The following ARHGEF7 variants were observed in gnomAD, a reference collection of about 807,000 sequenced individuals.
ARHGEF7 encodes Rho guanine nucleotide exchange factor 7.
Under a neutral mutation model 109.8 loss-of-function variants are expected in ARHGEF7, and 33 were observed. That is an observed-to-expected ratio of 0.30 (90% CI 0.23 to 0.40). The LOEUF (loss-of-function observed/expected upper bound fraction) is 0.40, where lower values mean the gene tolerates loss of function less well. Among genes scored for constraint, ARHGEF7 ranks in the 10% least tolerant of loss-of-function variants. The pLI is 1.00. For synonymous variants in ARHGEF7, 458 were observed against 424.6 expected (o/e 1.08, Z -0.97); for missense variants, 938 against 1,098.5 (o/e 0.85, Z 2.07).
Position 111,117,266 on chromosome 13 carries a change from A to C in ARHGEF7, c.165+1575A>C, listed in dbSNP as rs561305241. 2.5e-3 allele frequency among the ~76,000 whole-genome samples: 380 copies of C among 152,374 alleles called. 2 individuals are homozygous for C. Among genetic ancestry groups the C allele is most frequent in the Non-Finnish European group, 3.0e-3 (205 of 68,042 alleles). On this transcript the variant is annotated intron_variant, in intron 1 of 21. Coordinates refer to ENST00000646102, the MANE Select transcript of ARHGEF7 (RefSeq NM_001354046.2). ...TAATATTGATTGGCCGACTTCAATA[A>C]TCATTTTCTTTTAAATTATAGAAAG...
intron 1 of ARHGEF7, 179 bp from the exon 2 acceptor site, chr13:111,153,726 G>C (rs1253626348): frequency 2.2e-6 from 3 of 1,333,854 alleles, no homozygotes; most frequent in Admixed American, 4.2e-5. Context: ...AAAAGGGTGA[G>C]GAGAAGCAGC....
intron 2 of ARHGEF7, among the ~76,000 whole-genome samples, chr13:111,161,051 A>G (rs1191532075): frequency 6.6e-6 from 1 of 152,238 alleles, no homozygotes; most frequent in Non-Finnish European, 1.5e-5. Context: ...GGAAATGCTC[A>G]TTGGAGTGTT....
At chr13:111,133,761 C>CTT (rs1286958339) in intron 1 of ARHGEF7, among the ~76,000 whole-genome samples, 2 of 73,354 alleles carry the variant, frequency 2.7e-5, no homozygotes, top group African/African-American at 1.1e-4. Flanking sequence ...ATCTGCTTTT[C>CTT]TTTATATATA....
intron 1 of ARHGEF7, among the ~76,000 whole-genome samples, chr13:111,133,086 G>C (rs1594891524): frequency 6.6e-6 from 1 of 151,452 alleles, no homozygotes; most frequent in African/African-American, 2.4e-5. Flanking sequence ...ATATACACAT[G>C]CATATATACA....
chr13:111,220,200 A>G (rs2153494758), intron 5 of ARHGEF7, among the ~76,000 whole-genome samples: 1 of 152,348 alleles, frequency 6.6e-6, no homozygotes, highest in South Asian at 2.1e-4. Context: ...GCGCCAGTGG[A>G]CTTTCCAGGA....
rs1283218386 is a variant in ARHGEF7 at position 111,255,238 on chromosome 13, G to T, written c.950+10944G>T. ...GGCTAAGGCGCTGAGTTCCGTTTGG[G>T]GTTGCTGTGCATTTCAGTTGGAGAT... is the stretch of plus-strand genomic sequence containing the variant. On this transcript the variant is annotated intron_variant, in intron 8 of 21. Transcript: ENST00000646102. This position sits in a 1 kb window ranked among gnomAD's most constrained non-coding sequence, Gnocchi z 4.1. Among the ~76,000 whole-genome samples the T allele has an allele frequency of 6.6e-6, 1 of 152,254 alleles. No homozygotes were observed. The highest frequency in any genetic ancestry group is 2.4e-5 in the African/African-American group (1 of 41,466).
At chr13:111,177,896 T>C (rs1385759924) in intron 2 of ARHGEF7, among the ~76,000 whole-genome samples, 1 of 152,206 alleles carries the variant, frequency 6.6e-6, no homozygotes, top group Non-Finnish European at 1.5e-5. Flanking sequence ...AAGCAGACAG[T>C]CATGACCAGT....
At chr13:111,254,378 G>A (rs1460623251) in intron 8 of ARHGEF7, among the ~76,000 whole-genome samples, 1 of 151,816 alleles carries the variant, frequency 6.6e-6, no homozygotes, top group Non-Finnish European at 1.5e-5. Flanking sequence ...CATGAAGGCC[G>A]GGCTCAGAAG....
rs1427471274 is a variant in ARHGEF7, at chr13:111,292,100, T to G, written c.2135-18T>G. ...ACCCCCTGCCTGTCGCGCCTGTCCC[T>G]CCGCCCGCCCGTCTTAGCATGGCAA... On this transcript the variant is annotated intron_variant, in intron 18 of 21. Coordinates refer to ENST00000646102, the MANE Select transcript of ARHGEF7 (RefSeq NM_001354046.2). 6.2e-7 allele frequency: 1 copy of G among 1,608,924 alleles called. No individual in the cohort carries two copies. The highest frequency in any genetic ancestry group is 8.5e-7 in the Non-Finnish European group (1 of 1,177,376).
intron 2 of ARHGEF7, among the ~76,000 whole-genome samples, chr13:111,195,707 G>A (rs774371742): frequency 2.6e-5 from 4 of 152,266 alleles, no homozygotes; most frequent in Middle Eastern, 3.4e-3. Flanking sequence ...TGATTGCCTC[G>A]GCATAGCGGA....
chr13:111,194,305 C>T (rs2080247549), intron 2 of ARHGEF7, among the ~76,000 whole-genome samples: 1 of 152,148 alleles, frequency 6.6e-6, no homozygotes, highest in Non-Finnish European at 1.5e-5. Context: ...GTTTTGAAGG[C>T]TGTTTCTGTC....
intron 1 of ARHGEF7, among the ~76,000 whole-genome samples, chr13:111,117,703 C>T (rs1222382255): frequency 1.3e-5 from 2 of 151,852 alleles, no homozygotes; most frequent in East Asian, 1.9e-4. Flanking sequence ...CTCTCTCTCT[C>T]TCTGTCTCTC....
Position 111,217,696 on chromosome 13 carries a change from C to G in ARHGEF7, c.486C>G (p.Ser162Arg). ...CCTTTTAGGACATGACCGATAATAG[C>G]AACAATCAACTGGTAGTAAGAGCAA... ...QYRSLDMTDNSNNQLVVRAKF... is the reference protein window; with the variant it reads ...QYRSLDMTDNRNNQLVVRAKF... Residue 162 changes from serine (S) to arginine (R), a missense_variant, in exon 5 of 22, where the codon AGC (serine) becomes AGG (arginine). By Grantham distance (110) the Ser-to-Arg change is moderately radical. This residue lies in a region of ARHGEF7 where 585 missense variants were observed against 723.6 expected (regional missense o/e 0.81). Transcript: ENST00000646102. 1 of 1,614,098 alleles carries G rather than the reference C, an allele frequency of 6.2e-7. No individual in the cohort carries two copies. Among genetic ancestry groups the G allele is most frequent in the South Asian group, 1.1e-5 (1 of 91,084 alleles).
chr13:111,177,610 G>T (rs1447570036), intron 2 of ARHGEF7, among the ~76,000 whole-genome samples: 5 of 152,200 alleles, frequency 3.3e-5, no homozygotes, highest in African/African-American at 1.2e-4. Context: ...AGGCACTGCT[G>T]CCCCGGTGCC....
At chr13:111,222,490 G>T (rs1004863446) in intron 5 of ARHGEF7, among the ~76,000 whole-genome samples, 28 of 152,140 alleles carry the variant, frequency 1.8e-4, no homozygotes, top group African/African-American at 5.6e-4. Context: ...CCAGGCTGGA[G>T]TGCAGTGATG....
intron 1 of ARHGEF7, among the ~76,000 whole-genome samples, chr13:111,151,476 A>C (rs1194184751): frequency 6.6e-6 from 1 of 152,226 alleles, no homozygotes; most frequent in Non-Finnish European, 1.5e-5. Flanking sequence ...ACTACACTAC[A>C]AAAGTCCATA....
rs1328380467 is a variant in ARHGEF7 at position 111,147,823 on chromosome 13, A to T, written c.166-6082A>T. On this transcript the variant is annotated intron_variant, in intron 1 of 21. Transcript: ENST00000646102. ...CGCCATTCTCCTGCCTCAGCCTCCC[A>T]AGTAGCTGGGACTACAGGCGCCCGC... Among the ~76,000 whole-genome samples, 9 of 146,844 alleles carry T rather than the reference A, an allele frequency of 6.1e-5. No homozygotes were observed. In the East Asian group the frequency reaches 1.8e-3, roughly 30 times the overall value.
intron 1 of ARHGEF7, among the ~76,000 whole-genome samples, chr13:111,136,262 A>C (rs2075081605): frequency 6.6e-6 from 1 of 151,932 alleles, no homozygotes; most frequent in East Asian, 1.9e-4. Flanking sequence ...ATTCTACAGA[A>C]CTCTCCACCC....
intron 1 of ARHGEF7, among the ~76,000 whole-genome samples, chr13:111,148,135 C>G (rs564566871): frequency 3.3e-5 from 5 of 152,210 alleles, no homozygotes; most frequent in Non-Finnish European, 7.3e-5. Context: ...AGCTTCTGTG[C>G]GTCTCACTCT....
Sources: allele counts gnomAD v4.1 joint callset (sites outside exome capture counted in the v4.1 genomes callset), GRCh38; gene constraint gnomAD v4.1.1; regional missense constraint gnomAD v4.1.1; non-coding constraint Gnocchi (gnomAD v3.1); transcripts MANE v1.5; gene names NCBI Gene and HGNC (gene_info 2026-07-23, HGNC 2026-07-21).